Variants in ASAP1 observed in about 807,000 individuals in gnomAD.
The protein encoded by ASAP1 is ArfGAP with SH3 domain, ankyrin repeat and PH domain 1.
In ASAP1, 43 loss-of-function variants were observed where a neutral mutation model predicts 145.2. That is an observed-to-expected ratio of 0.30 (90% CI 0.23 to 0.38). The LOEUF is 0.38. Ranked by LOEUF, ASAP1 falls within the 10% of genes least tolerant of loss-of-function variation. ASAP1 has a pLI of 1.00. For missense variants in ASAP1, 1,018 were observed against 1,355.3 expected (o/e 0.75, Z 3.91); for synonymous variants, 546 against 515.5 (o/e 1.06, Z -0.80).
intron 3 of ASAP1, among the ~76,000 whole-genome samples, chr8:130,259,356 C>A (rs1288972311): frequency 6.6e-6 from 1 of 152,184 alleles, no homozygotes; most frequent in Non-Finnish European, 1.5e-5. Context: ...CTCACGAGTT[C>A]CTTCTATGAA....
At chr8:130,346,001 G>T (rs965742608) in intron 3 of ASAP1, among the ~76,000 whole-genome samples, 1 of 152,154 alleles carries the variant, frequency 6.6e-6, no homozygotes, top group Non-Finnish European at 1.5e-5. Context: ...TATGCAATTG[G>T]TAGGCATATA....
intron 14 of ASAP1, 132 bp downstream of exon 14, chr8:130,136,819 G>C: frequency 4.0e-6 from 3 of 757,532 alleles, no homozygotes; most frequent in South Asian, 3.2e-5. Context: ...TCCTAGAGCA[G>C]CACATGCAGG....
chr8:130,124,113 G>GA lies in ASAP1; in HGVS notation c.1516-10dup, dbSNP rs753982667. 3 of 1,583,756 alleles carry GA rather than the reference G, an allele frequency of 1.9e-6. No individual in the cohort carries two copies. The highest frequency in any genetic ancestry group is 1.2e-5 in the South Asian group (1 of 86,082). ...CCTACATTCTTGGCCAGCTGTAACA[G>GA]AAAAAACAAACAACCACAATATAGC... On this transcript the variant is annotated splice_polypyrimidine_tract_variant and intron_variant, in intron 17 of 29. Transcript: ENST00000518721.
intron 27 of ASAP1, among the ~76,000 whole-genome samples, chr8:130,074,484 C>G (rs72722314): frequency 0.092 from 12,582 of 136,336 alleles, 581 homozygotes; most frequent in Middle Eastern, 0.12. Context: ...CACACACACA[C>G]ACAGAGAGAA....
At chr8:130,176,748 T>C (rs1238738750) in intron 9 of ASAP1, among the ~76,000 whole-genome samples, 1 of 151,634 alleles carries the variant, frequency 6.6e-6, no homozygotes, top group African/African-American at 2.4e-5. Context: ...TGGAGTGCAA[T>C]GGCGTGATCT....
At chr8:130,327,689 G>A (rs573058671) in intron 3 of ASAP1, among the ~76,000 whole-genome samples, 8 of 152,252 alleles carry the variant, frequency 5.3e-5, no homozygotes, top group African/African-American at 1.9e-4. Context: ...AAAAAGCATG[G>A]CTTGGAAATG....
At chr8:130,058,810 T>C (rs541853534) in intron 28 of ASAP1, among the ~76,000 whole-genome samples, 1 of 152,290 alleles carries the variant, frequency 6.6e-6, no homozygotes, top group East Asian at 1.9e-4. Flanking sequence ...TTCCTCTCTG[T>C]CCCCTGGTTT....
chr8:130,309,905 C>CA (rs1823228571), intron 3 of ASAP1, among the ~76,000 whole-genome samples: 1 of 152,150 alleles, frequency 6.6e-6, no homozygotes, highest in South Asian at 2.1e-4. Flanking sequence ...ATCCAGAACT[C>CA]AGCATGAGTC....
At chr8:130,408,441 A>G (rs1829127632) in intron 1 of ASAP1, among the ~76,000 whole-genome samples, 1 of 152,196 alleles carries the variant, frequency 6.6e-6, no homozygotes, top group African/African-American at 2.4e-5. Context: ...TTTTTTGGAC[A>G]CTGGCGCTCC....
At chr8:130,173,954 G>C (rs1251499206) in intron 9 of ASAP1, among the ~76,000 whole-genome samples, 1 of 151,576 alleles carries the variant, frequency 6.6e-6, no homozygotes, top group Non-Finnish European at 1.5e-5. Context: ...GGCAGCATGC[G>C]CCTGTAGTCC....
chr8:130,439,261 C>A (rs896510662), intron 1 of ASAP1, among the ~76,000 whole-genome samples: 1 of 152,138 alleles, frequency 6.6e-6, no homozygotes, highest in Admixed American at 6.5e-5. Flanking sequence ...TTCTTCCCAG[C>A]GCTGCCAGGA....
At chr8:130,128,548 T>C (rs2097578658) in intron 15 of ASAP1, among the ~76,000 whole-genome samples, 1 of 152,174 alleles carries the variant, frequency 6.6e-6, no homozygotes, top group African/African-American at 2.4e-5. Context: ...TGCAAGTCCA[T>C]GTCAGTGGGG....
At chr8:130,054,946 T>G in intron 29 of ASAP1, 141 bp from the exon 30 acceptor site, 1 of 695,184 alleles carries the variant, frequency 1.4e-6, no homozygotes, top group South Asian at 1.5e-5. Flanking sequence ...CACCCTTTAG[T>G]GAACTACAGA....
chr8:130,411,327 G>C (rs375738443), intron 1 of ASAP1, among the ~76,000 whole-genome samples: 3 of 152,224 alleles, frequency 2.0e-5, no homozygotes, highest in South Asian at 4.1e-4. Flanking sequence ...CAGGCTCGGA[G>C]TGCCAGGAAA....
intron 3 of ASAP1, among the ~76,000 whole-genome samples, chr8:130,335,356 G>A (rs2137841200): frequency 6.6e-6 from 1 of 152,276 alleles, no homozygotes; most frequent in Non-Finnish European, 1.5e-5. Flanking sequence ...ATTTTACAGA[G>A]GAGAAACCAA....
intron 4 of ASAP1, 122 bp downstream of exon 4, chr8:130,236,800 T>C (rs746910167): frequency 1.5e-6 from 1 of 661,764 alleles, no homozygotes; most frequent in Non-Finnish European, 2.4e-6. Context: ...GAAATTTCTT[T>C]TACCTACTTA....
At chr8:130,374,739 T>C (rs1361178865) in intron 2 of ASAP1, among the ~76,000 whole-genome samples, 1 of 152,158 alleles carries the variant, frequency 6.6e-6, no homozygotes, top group African/African-American at 2.4e-5. Context: ...TGTACCATGG[T>C]TGCAGCTTCC....
chr8:130,218,131 T>C (rs887847438), intron 4 of ASAP1, among the ~76,000 whole-genome samples: 13 of 152,026 alleles, frequency 8.6e-5, no homozygotes, highest in Non-Finnish European at 4.4e-5. Flanking sequence ...ATCTCCCTCA[T>C]GTGCTGGAGC....
intron 2 of ASAP1, among the ~76,000 whole-genome samples, chr8:130,401,658 A>G (rs1275712154): frequency 6.6e-6 from 1 of 152,198 alleles, no homozygotes; most frequent in Non-Finnish European, 1.5e-5. Flanking sequence ...CACCCAGACA[A>G]CTTTCCTTAT....
Sources: gnomAD v4.1 joint callset for allele counts (sites outside exome capture counted in the v4.1 genomes callset) on GRCh38, gnomAD v4.1.1 for gene constraint, MANE v1.5 for transcripts, NCBI Gene and HGNC (gene_info 2026-07-23, HGNC 2026-07-21) for gene names.